The following PRSS55 variants were observed in gnomAD, a reference collection of about 807,000 sequenced individuals.
PRSS55 encodes serine protease 55.
PRSS55 carries 41 observed loss-of-function variants against 23.6 expected under a neutral mutation model. That is an observed-to-expected ratio of 1.74 (90% confidence interval 1.35 to 2.26). The LOEUF (loss-of-function observed/expected upper bound fraction) is 2.26. Among genes scored for constraint, PRSS55 ranks in the 30% most tolerant of loss-of-function variants. The pLI, the probability that PRSS55 is intolerant of heterozygous loss-of-function variation, is 0.00. For missense variants in PRSS55, 669 were observed against 439.1 expected (o/e 1.52, Z -4.68); for synonymous variants, 262 against 175.5 (o/e 1.49, Z -3.90).
intron 4 of PRSS55, among the ~76,000 whole-genome samples, chr8:10,536,608 T>C (rs1177443354): frequency 2.6e-5 from 4 of 152,130 alleles, no homozygotes; most frequent in Admixed American, 6.5e-5. Flanking sequence ...AGACATGGGA[T>C]CAAACTACAT....
intron 4 of PRSS55, among the ~76,000 whole-genome samples, chr8:10,550,110 G>A (rs1211598980): frequency 6.6e-6 from 1 of 152,066 alleles, no homozygotes; most frequent in Non-Finnish European, 1.5e-5. Context: ...GTGGAGACGG[G>A]GTTTCTCCAT....
chr8:10,539,605 T>C (rs62492804), downstream of PRSS55, among the ~76,000 whole-genome samples: 6,132 of 152,310 alleles, frequency 0.04, 164 homozygotes, highest in Middle Eastern at 0.082. Flanking sequence ...TGGGAGATAA[T>C]TGAGTCATGC....
At chr8:10,539,755 T>C (rs1008296444), downstream of PRSS55, among the ~76,000 whole-genome samples, 4 of 152,220 alleles carry the variant, frequency 2.6e-5, no homozygotes, top group African/African-American at 7.2e-5. Context: ...CCTTCCACCA[T>C]GATTGTGAGG....
At chr8:10,528,200 C>CAAAA (rs35143057) in intron 1 of PRSS55, among the ~76,000 whole-genome samples, 4 of 89,602 alleles carry the variant, frequency 4.5e-5, no homozygotes, top group Non-Finnish European at 6.7e-5. Flanking sequence ...CTTCGTCTCT[C>CAAAA]AAAAAAAAAA....
At chr8:10,537,947 C>T (rs1387786698) in intron 4 of PRSS55, among the ~76,000 whole-genome samples, 1 of 152,044 alleles carries the variant, frequency 6.6e-6, no homozygotes, top group Non-Finnish European at 1.5e-5. Context: ...GATAACTATG[C>T]GAGTCACAGA....
At chr8:10,532,728 T>C (rs943855217) in intron 3 of PRSS55, among the ~76,000 whole-genome samples, 178 bp from the exon 4 acceptor site, 6 of 150,622 alleles carry the variant, frequency 4.0e-5, no homozygotes, top group African/African-American at 1.5e-4. Flanking sequence ...TGGGAGTTGT[T>C]GGGGGAGTGG....
intron 4 of PRSS55, among the ~76,000 whole-genome samples, chr8:10,534,157 T>G (rs1812373562): frequency 6.6e-6 from 1 of 152,142 alleles, no homozygotes; most frequent in Admixed American, 6.5e-5. Context: ...CACACAGAAT[T>G]GAGACTTCTG....
At position 10,537,476 on chromosome 8, in the gene PRSS55, G is replaced by C. The variant is rs1313581892; in HGVS notation, c.742-1000G>C. On this transcript the variant is annotated intron_variant, in intron 4 of 4. Transcript: ENST00000328655. The stretch of plus-strand genomic sequence containing the variant: ...GAGGCTGGGGAGGAAAGCAGGTGGG[G>C]ACTCCAGTTAAGGAGCACGAAAACA... Among the ~76,000 whole-genome samples, 4 of 152,148 alleles carry C rather than the reference G, an allele frequency of 2.6e-5. No homozygotes were observed. The East Asian group carries it at 7.7e-4, about 29-fold the overall frequency.
intron 1 of PRSS55, among the ~76,000 whole-genome samples, chr8:10,528,332 A>G (rs978348786): frequency 2.6e-5 from 4 of 152,116 alleles, no homozygotes; most frequent in African/African-American, 7.2e-5. Context: ...AGGGTCACCC[A>G]AACAACAAAA....
intron 1 of PRSS55, 151 bp downstream of exon 1, chr8:10,525,890 C>A: frequency 2.3e-6 from 2 of 883,578 alleles, no homozygotes; most frequent in Non-Finnish European, 3.3e-6. Flanking sequence ...CCTCTCTCCC[C>A]TGGCCCAGTG....
chr8:10,537,569 A>G (rs542404913), intron 4 of PRSS55, among the ~76,000 whole-genome samples: 11 of 94,780 alleles, frequency 1.2e-4, no homozygotes, highest in Admixed American at 5.8e-4. Flanking sequence ...CAACAAGTGT[A>G]TATTTCAAAA....
intron 4 of PRSS55, among the ~76,000 whole-genome samples, chr8:10,550,174 C>T (rs953190013): frequency 6.6e-5 from 10 of 152,318 alleles, no homozygotes; most frequent in South Asian, 2.1e-4. Context: ...CCACCCACCT[C>T]GGCTTCCCAA....
At chr8:10,546,622 G>A (rs1812824794) in intron 4 of PRSS55, among the ~76,000 whole-genome samples, 1 of 152,264 alleles carries the variant, frequency 6.6e-6, no homozygotes, top group African/African-American at 2.4e-5. Context: ...AGCCCTCCTG[G>A]TCGCACATGG....
intron 2 of PRSS55, among the ~76,000 whole-genome samples, chr8:10,530,388 T>C (rs1388089928): frequency 6.6e-6 from 1 of 152,054 alleles, no homozygotes; most frequent in African/African-American, 2.4e-5. Flanking sequence ...GACAGGAGAG[T>C]TGCTTGAACC....
Position 10,538,401 on chromosome 8 carries a change from T to C in PRSS55, c.742-75T>C, listed in dbSNP as rs1393860814. 5.1e-6 allele frequency: 6 copies of C among 1,175,838 alleles called. No homozygotes were observed. The Admixed American group carries it at 1.1e-4, about 22-fold the overall frequency. The allele number at this position is 1,175,838 out of a possible 1,614,324, so 72.8% of individuals were successfully genotyped here. ...GTTGGGGAGGCTGAGGAATCTTCCATGAATGAGCTGTGCCCAGCCTCAGAT... is the reference window on the plus strand; with the variant it reads ...GTTGGGGAGGCTGAGGAATCTTCCACGAATGAGCTGTGCCCAGCCTCAGAT... On this transcript the variant is annotated intron_variant, in intron 4 of 4. Coordinates refer to ENST00000328655, the MANE Select transcript of PRSS55 (RefSeq NM_198464.4).
rs1210258683 is a variant in PRSS55 at position 10,525,680 on chromosome 8, T to G, written c.95T>G (p.Leu32Arg). Residue 32 changes from leucine (L) to arginine (R), a missense_variant, in exon 1 of 5, where the codon CTA becomes CGA. Leu to Arg is a moderately radical substitution (Grantham distance 102). Coordinates refer to ENST00000328655, the MANE Select transcript of PRSS55 (RefSeq NM_198464.4). The stretch of plus-strand genomic sequence containing the variant: ...CTCCCAGAGGCTGGAGTGGCTATCC[T>G]AGGCAGGGCTAGGGGAGCCCACCGC... ...TPLPEAGVAI[L>R]GRARGAHRPQ... is the part of the protein sequence containing the mutation. The G allele has an allele frequency of 6.2e-7, 1 of 1,613,818 alleles. No individual in the cohort carries two copies. The highest frequency in any genetic ancestry group is 8.5e-7 in the Non-Finnish European group (1 of 1,179,960).
chr8:10,547,731 C>CCCCG (rs1812853796), intron 4 of PRSS55: 3 of 138,718 alleles, frequency 2.2e-5, no homozygotes, highest in Non-Finnish European at 4.7e-5. Context: ...CTTCCCCCAC[C>CCCCG]CCCCGCCCCG....
Position 10,525,611 on chromosome 8 carries a change from T to C in PRSS55, c.26T>C (p.Leu9Pro). MLLFSVLL[L>P]LSLVTGTQLG... ...ATGCTCCTGTTCTCAGTGTTGCTGC[T>C]CCTGTCCCTGGTCACGGGAACTCAG... The change falls in exon 1 of 5, where the codon CTC becomes CCC. Residue 9 changes from leucine (L) to proline (P), a missense_variant. Physicochemically the swap from Leu to Pro is moderately conservative, Grantham distance 98. Transcript: ENST00000328655. 2 of 1,614,062 alleles carry C rather than the reference T, an allele frequency of 1.2e-6. No homozygotes were observed. The highest frequency in any genetic ancestry group is 1.3e-5 in the African/African-American group (1 of 75,022).
At chr8:10,533,849 A>G (rs1428150897) in intron 4 of PRSS55, among the ~76,000 whole-genome samples, 1 of 152,228 alleles carries the variant, frequency 6.6e-6, no homozygotes, top group African/African-American at 2.4e-5. Context: ...TGCCCCATGG[A>G]AAAGAAAGAT....
Sources: gnomAD v4.1 joint callset for allele counts (sites outside exome capture counted in the v4.1 genomes callset) on GRCh38, gnomAD v4.1.1 for gene constraint, MANE v1.5 for transcripts, NCBI Gene and HGNC (gene_info 2026-07-23, HGNC 2026-07-21) for gene names.